Variants in INTS3 observed in about 807,000 individuals in gnomAD.
INTS3 encodes integrator complex subunit 3, also known as SOSS complex subunit A.
Under a neutral mutation model 146.3 loss-of-function variants are expected in INTS3, and 34 were observed. The ratio of observed to expected loss-of-function variants is 0.23; its 90% CI spans 0.18 to 0.31. The LOEUF (loss-of-function observed/expected upper bound fraction) is 0.31. Among genes scored for constraint, INTS3 ranks in the 10% least tolerant of loss-of-function variants. INTS3 has a pLI of 1.00. For synonymous variants in INTS3, 475 were observed against 494.9 expected (o/e 0.96, Z 0.53); for missense variants, 757 against 1,304.2 (o/e 0.58, Z 6.46).
intron 3 of INTS3, among the ~76,000 whole-genome samples, chr1:153,744,396 T>C (rs529034224): frequency 6.6e-6 from 1 of 152,354 alleles, no homozygotes; most frequent in African/African-American, 2.4e-5. Context: ...CTACTTCCTT[T>C]GTCCTCTGCC....
chr1:153,740,560 T>C lies in INTS3; in HGVS notation c.151-91T>C. On this transcript the variant is annotated intron_variant, in intron 1 of 29. Transcript: ENST00000318967. The stretch of plus-strand genomic sequence containing the variant: ...CTGGCAGCTAGATCAATGGGCATGA[T>C]CAGGTTTGAATTGTTAAACTTTTAG... 7.7e-6 allele frequency: 7 copies of C among 909,000 alleles called. No individual in the cohort carries two copies. The South Asian group carries it at 7.9e-5, about 10-fold the overall frequency. 56.3% of individuals were successfully genotyped at this position (909,000 alleles called of 1,614,324 possible).
At chr1:153,742,165 C>T (rs1245046077) in intron 3 of INTS3, among the ~76,000 whole-genome samples, 2 of 152,184 alleles carry the variant, frequency 1.3e-5, no homozygotes, top group East Asian at 1.9e-4. Flanking sequence ...TCTGTTTGTA[C>T]TTCTGATGCC....
intron 1 of INTS3, among the ~76,000 whole-genome samples, chr1:153,738,445 G>A (rs1171191597): frequency 1.3e-5 from 2 of 152,130 alleles, no homozygotes; most frequent in African/African-American, 2.4e-5. Context: ...TTCAGTTTGG[G>A]TTGTCTGAAA....
chr1:153,773,625 G>T lies in INTS3; in HGVS notation c.*355G>T. ...CCCAAAGAGCCATTTCAACAGAGAA[G>T]GGAAATGACAAAGGGGCAGCTGGCC... On this transcript the variant is annotated 3_prime_UTR_variant, in exon 30 of 30. Transcript: ENST00000318967. 2.8e-6 allele frequency: 1 copy of T among 362,098 alleles called. No homozygotes were observed. The allele number at this position is 362,098 out of a possible 1,614,324, so 22.4% of individuals were successfully genotyped here. A position where few individuals can be genotyped will look rare whatever the true frequency, so the allele number is the denominator to read the frequency against.
Position 153,759,503 on chromosome 1 carries a change from T to A in INTS3, c.1150-23T>A, listed in dbSNP as rs954432019. 1.2e-5 allele frequency: 19 copies of A among 1,540,034 alleles called. No homozygotes were observed. The African/African-American group carries it at 2.6e-4, about 21-fold the overall frequency. On this transcript the variant is annotated intron_variant, in intron 10 of 29. Transcript: ENST00000318967. ...GGGGTGATTGATGAAACTAGCCCTC[T>A]GTTTCTCCCCTCTCTTTTCCAGTCA...
chr1:153,748,417 A>C (rs1041960990), intron 5 of INTS3: 4 of 476,628 alleles, frequency 8.4e-6, no homozygotes, highest in Non-Finnish European at 1.6e-5. Context: ...GTTCATTTTC[A>C]AGGGCCAAAA....
In INTS3 at chr1:153,754,727, C is replaced by T; in HGVS notation, c.945C>T (p.Phe315=). 1 of 1,606,610 alleles carries T rather than the reference C, an allele frequency of 6.2e-7. No individual in the cohort carries two copies. The highest frequency in any genetic ancestry group is 8.5e-7 in the Non-Finnish European group (1 of 1,173,110). The change falls in exon 9 of 30, where the codon TTC becomes TTT. Residue 315 remains phenylalanine, a synonymous_variant. Coordinates refer to ENST00000318967, the MANE Select transcript of INTS3 (RefSeq NM_023015.5). ...CGGACATGGAGACTAAACTCCTCTT[C>T]ATGACATCCCGGGTAAGCTAAGGTG... The part of the protein sequence containing the change: ...LTPDMETKLL[F]MTSRVRFGQQ...
intron 25 of INTS3, 49 bp downstream of exon 25, chr1:153,770,782 G>C: frequency 6.9e-7 from 1 of 1,448,836 alleles, no homozygotes; most frequent in South Asian, 1.1e-5. Context: ...AACATCCCAA[G>C]AGCTGCTGTG....
chr1:153,761,857 T>C (rs1672396116), intron 14 of INTS3, among the ~76,000 whole-genome samples, 181 bp downstream of exon 14: 1 of 152,292 alleles, frequency 6.6e-6, no homozygotes, highest in African/African-American at 2.4e-5. Context: ...GTCTTGATTC[T>C]CTTGCTTTAT....
intron 3 of INTS3, among the ~76,000 whole-genome samples, chr1:153,741,899 G>C (rs1210701310): frequency 6.6e-6 from 1 of 152,218 alleles, no homozygotes; most frequent in Non-Finnish European, 1.5e-5. Context: ...ATGAAAACTT[G>C]TCTGGGGTTC....
chr1:153,757,027 T>C lies in INTS3; in HGVS notation c.958-545T>C, dbSNP rs1672187147. ...GAAGAGGGAAACCAGATCCTTTTCCTTATTTAGTGTTACTATTTGTGATCA... is the reference window on the plus strand; with the variant it reads ...GAAGAGGGAAACCAGATCCTTTTCCCTATTTAGTGTTACTATTTGTGATCA... On this transcript the variant is annotated intron_variant, in intron 9 of 29. Coordinates refer to ENST00000318967, the MANE Select transcript of INTS3 (RefSeq NM_023015.5). This position sits in a 1 kb window ranked among gnomAD's most constrained non-coding sequence, Gnocchi z 4.0. Among the ~76,000 whole-genome samples, 2 of 152,200 alleles carry C rather than the reference T, an allele frequency of 1.3e-5. No homozygotes were observed. The highest frequency in any genetic ancestry group is 6.5e-5 in the Admixed American group (1 of 15,276).
chr1:153,748,627 G>T (rs1205794664), intron 5 of INTS3, 62 bp from the exon 6 acceptor site: 17 of 1,312,948 alleles, frequency 1.3e-5, no homozygotes, highest in Non-Finnish European at 1.9e-5. Flanking sequence ...TGGGTGAAGA[G>T]ATGTATTGGA....
chr1:153,765,345 G>A (rs1049412018), intron 20 of INTS3, among the ~76,000 whole-genome samples: 1 of 151,950 alleles, frequency 6.6e-6, no homozygotes, highest in Non-Finnish European at 1.5e-5. Flanking sequence ...GCACTACCAT[G>A]CCCAGATAAT....
At chr1:153,736,160 A>G (rs1299191875) in intron 1 of INTS3, among the ~76,000 whole-genome samples, 2 of 152,218 alleles carry the variant, frequency 1.3e-5, no homozygotes, top group Non-Finnish European at 2.9e-5. Context: ...TGTGAGAATC[A>G]TAGCTCAGCC....
intron 21 of INTS3, 37 bp downstream of exon 21, chr1:153,767,864 A>G (rs746933374): frequency 5.1e-6 from 8 of 1,560,014 alleles, no homozygotes; most frequent in East Asian, 2.3e-5. Context: ...CGGGGGGCTC[A>G]CAGGAACACA....
chr1:153,732,467 C>T (rs1312196217), intron 1 of INTS3, among the ~76,000 whole-genome samples: 4 of 147,362 alleles, frequency 2.7e-5, no homozygotes, highest in Admixed American at 6.8e-5. Context: ...TTTTTTTAAA[C>T]GGAGTTTCCC....
chr1:153,747,817 A>C (rs571091408), intron 5 of INTS3: 1 of 194,382 alleles, frequency 5.1e-6, no homozygotes, highest in Non-Finnish European at 1.1e-5. Flanking sequence ...TGAGGGACAA[A>C]CTATGTCACA....
chr1:153,749,078 T>C (rs552126122), intron 6 of INTS3, among the ~76,000 whole-genome samples: 113 of 152,256 alleles, frequency 7.4e-4, no homozygotes, highest in African/African-American at 2.5e-3. Flanking sequence ...CTCAGTAGAA[T>C]TGGGCCAGCC....
intron 24 of INTS3, 118 bp from the exon 25 acceptor site, chr1:153,770,567 C>A: frequency 1.2e-6 from 1 of 859,464 alleles, no homozygotes; most frequent in Non-Finnish European, 1.9e-6. Flanking sequence ...TTCTTCCTGG[C>A]TCCTCATCAA....
Sources: allele counts gnomAD v4.1 joint callset (sites outside exome capture counted in the v4.1 genomes callset), GRCh38; gene constraint gnomAD v4.1.1; non-coding constraint Gnocchi (gnomAD v3.1); transcripts MANE v1.5; gene names NCBI Gene and HGNC (gene_info 2026-07-23, HGNC 2026-07-21).